The following LRRC49 variants were observed in gnomAD, a reference collection of about 807,000 sequenced individuals.
LRRC49 encodes the protein leucine rich repeat containing 49, also known as leucine-rich repeat-containing protein 49.
Under a neutral mutation model 83.3 loss-of-function variants are expected in LRRC49, and 50 were observed. The observed-to-expected ratio is 0.60, with a 90% CI of 0.48 to 0.76. The LOEUF is 0.76. Among genes scored for constraint, LRRC49 ranks in the 30% least tolerant of loss-of-function variants. LRRC49 has a pLI of 0.00. For synonymous variants in LRRC49, 286 were observed against 283.3 expected (o/e 1.01, Z -0.10); for missense variants, 704 against 809.1 (o/e 0.87, Z 1.58).
At chr15:70,893,708 C>T (rs2033694447) in intron 2 of LRRC49, 68 bp downstream of exon 2, 4 of 1,218,342 alleles carry the variant, frequency 3.3e-6, no homozygotes, top group Admixed American at 1.8e-5. Flanking sequence ...AGCAGCATGA[C>T]TTAAAGTGTA....
chr15:70,967,032 A>T (rs551720886), intron 9 of LRRC49, among the ~76,000 whole-genome samples: 12 of 152,252 alleles, frequency 7.9e-5, no homozygotes, highest in African/African-American at 2.6e-4. Flanking sequence ...GAAAAACAGA[A>T]AAGTTCCAAA....
At chr15:71,020,917 A>G (rs1318582320) in intron 14 of LRRC49, among the ~76,000 whole-genome samples, 1 of 152,222 alleles carries the variant, frequency 6.6e-6, no homozygotes, top group Non-Finnish European at 1.5e-5. Flanking sequence ...ATGTTGGATA[A>G]GGCTAAATGA....
At chr15:70,918,021 G>A (rs551556641) in intron 6 of LRRC49, among the ~76,000 whole-genome samples, 20 of 152,198 alleles carry the variant, frequency 1.3e-4, no homozygotes, top group Non-Finnish European at 1.9e-4. Flanking sequence ...GCGGTTCCTC[G>A]CATATCCAAG....
At chr15:71,020,846 G>C (rs2038971667) in intron 14 of LRRC49, among the ~76,000 whole-genome samples, 1 of 152,204 alleles carries the variant, frequency 6.6e-6, no homozygotes, top group African/African-American at 2.4e-5. Context: ...AGGCAGGACA[G>C]TGACCCCAGT....
intron 8 of LRRC49, among the ~76,000 whole-genome samples, chr15:70,957,433 A>G (rs1159836497): frequency 6.6e-6 from 1 of 152,190 alleles, no homozygotes; most frequent in African/African-American, 2.4e-5. Flanking sequence ...ATATCATGTT[A>G]TCCTTTAAAT....
At chr15:70,882,502 C>T in intron 2 of LRRC49, 1 of 1,613,760 alleles carries the variant, frequency 6.2e-7, no homozygotes, top group African/African-American at 1.3e-5. Flanking sequence ...ACAAATCACT[C>T]TGTTCACTCT....
In LRRC49 at chr15:70,957,595, G is replaced by A. The variant is rs567542434; in HGVS notation, c.774-6190G>A. ...TTACTAAAGATTGGTCTTAAGTTAG[G>A]TGTTGGGGCAGTGGTCACAGTATCT... On this transcript the variant is annotated intron_variant, in intron 8 of 15. Coordinates refer to ENST00000260382, the MANE Select transcript of LRRC49 (RefSeq NM_017691.5). 2.0e-5 allele frequency among the ~76,000 whole-genome samples: 3 copies of A among 152,042 alleles called. No individual in the cohort carries two copies. In the South Asian group the frequency reaches 6.2e-4, roughly 32 times the overall value.
At chr15:70,876,191 A>G (rs1448209059) in intron 2 of LRRC49, among the ~76,000 whole-genome samples, 11 of 152,218 alleles carry the variant, frequency 7.2e-5, no homozygotes, top group African/African-American at 1.7e-4. Flanking sequence ...TCTGAAAGCT[A>G]CATCTCTACA....
At chr15:70,905,361 A>C (rs1222729193) in intron 5 of LRRC49, among the ~76,000 whole-genome samples, 1 of 152,202 alleles carries the variant, frequency 6.6e-6, no homozygotes, top group East Asian at 1.9e-4. Flanking sequence ...GTAAAATCCA[A>C]AAATGATTTT....
At chr15:70,860,310 C>A in intron 1 of LRRC49, 9 of 527,350 alleles carry the variant, frequency 1.7e-5, no homozygotes, top group Non-Finnish European at 3.0e-5. Flanking sequence ...AGTTTACTGC[C>A]TGGGGACACC....
At chr15:71,037,664 G>A (rs918310644) in intron 15 of LRRC49, among the ~76,000 whole-genome samples, 3 of 152,178 alleles carry the variant, frequency 2.0e-5, no homozygotes, top group Admixed American at 6.6e-5. Flanking sequence ...TTATAGGCTT[G>A]CTGTAGGTAC....
intron 9 of LRRC49, among the ~76,000 whole-genome samples, chr15:70,977,610 A>C (rs1211023336): frequency 6.6e-6 from 1 of 152,094 alleles, no homozygotes; most frequent in East Asian, 1.9e-4. Context: ...GCACCATGGC[A>C]CTCCAAGCCT....
intron 7 of LRRC49, among the ~76,000 whole-genome samples, chr15:70,928,114 G>T (rs190835693): frequency 1.3e-5 from 2 of 152,162 alleles, no homozygotes; most frequent in African/African-American, 4.8e-5. Flanking sequence ...CTAATCAAAT[G>T]GATCTTTTTT....
rs568800197 is a variant in LRRC49, at chr15:71,035,131, GA to G, written c.1704-2046del. On this transcript the variant is annotated intron_variant, in intron 14 of 15. Coordinates refer to ENST00000260382, the MANE Select transcript of LRRC49 (RefSeq NM_017691.5). ...ATACTATGTAACTATCCTATAAGAGGAACCAATTAAGTAAATTGTGATATAT... is the reference window on the plus strand; with the variant it reads ...ATACTATGTAACTATCCTATAAGAGGACCAATTAAGTAAATTGTGATATAT... Among the ~76,000 whole-genome samples the G allele has an allele frequency of 3.9e-5, 6 of 151,948 alleles. No homozygotes were observed. The East Asian group carries it at 1.2e-3, about 29-fold the overall frequency.
intron 15 of LRRC49, among the ~76,000 whole-genome samples, chr15:71,041,175 C>T (rs930453): frequency 0.016 from 2,440 of 152,284 alleles, 42 homozygotes; most frequent in Non-Finnish European, 0.026. Flanking sequence ...AATAGATGCA[C>T]GTTGTTTTAA....
intron 2 of LRRC49, 49 bp from the exon 3 acceptor site, chr15:70,895,800 G>T: frequency 1.9e-6 from 2 of 1,076,532 alleles, no homozygotes; most frequent in Non-Finnish European, 1.4e-6. Context: ...TTCACTGCTT[G>T]GTGTTAAATT....
chr15:71,030,441 C>T (rs994939211), intron 14 of LRRC49, among the ~76,000 whole-genome samples: 1 of 152,098 alleles, frequency 6.6e-6, no homozygotes, highest in Non-Finnish European at 1.5e-5. Context: ...CTCTGGCTGC[C>T]CTTAACATTT....
At chr15:70,927,078 A>C (rs1284429676) in intron 7 of LRRC49, among the ~76,000 whole-genome samples, 2 of 152,146 alleles carry the variant, frequency 1.3e-5, no homozygotes, top group African/African-American at 2.4e-5. Flanking sequence ...AATAGTCAGG[A>C]AACAACAGGT....
intron 1 of LRRC49, chr15:70,854,090 G>C: frequency 8.5e-6 from 11 of 1,299,394 alleles, no homozygotes; most frequent in Non-Finnish European, 9.8e-6. Context: ...CTGGGCCATG[G>C]CTCGCGGGAC....
Sources: allele counts gnomAD v4.1 joint callset (sites outside exome capture counted in the v4.1 genomes callset), GRCh38; gene constraint gnomAD v4.1.1; transcripts MANE v1.5; gene names NCBI Gene and HGNC (gene_info 2026-07-23, HGNC 2026-07-21).